The following ADGRV1 variants were observed in gnomAD, a reference collection of about 807,000 sequenced individuals.
ADGRV1 encodes the protein adhesion G protein-coupled receptor V1.
A neutral mutation model predicts 596.2 loss-of-function variants in ADGRV1; 359 were observed. That is an observed-to-expected ratio of 0.60 (90% CI 0.55 to 0.66). ADGRV1 has a LOEUF of 0.66. Ranked by LOEUF, ADGRV1 falls within the 30% of genes least tolerant of loss-of-function variation. The pLI is 0.00. For missense variants in ADGRV1, 7,274 were observed against 7,575.6 expected (o/e 0.96, Z 1.48); for synonymous variants, 2,681 against 2,679.2 (o/e 1.00, Z -0.02).
chr5:91,067,387 C>T (rs1476658422), intron 85 of ADGRV1, among the ~76,000 whole-genome samples: 7 of 152,106 alleles, frequency 4.6e-5, no homozygotes, highest in African/African-American at 9.7e-5. Flanking sequence ...AGGTGATCTG[C>T]CCACCTCAGC....
chr5:91,103,801 AAATAATAAAT>A (rs1442203438), intron 87 of ADGRV1, among the ~76,000 whole-genome samples: 2 of 152,164 alleles, frequency 1.3e-5, no homozygotes, highest in African/African-American at 4.8e-5. Flanking sequence ...AATGCTTATT[AAATAATAAAT>A]GAGTGTATGG....
chr5:90,613,646 C>T (rs1022260456), intron 1 of ADGRV1, among the ~76,000 whole-genome samples: 18 of 152,204 alleles, frequency 1.2e-4, no homozygotes, highest in African/African-American at 4.3e-4. Flanking sequence ...TATCCCTTTC[C>T]TGGACTCCAT....
intron 43 of ADGRV1, 85 bp from the exon 44 acceptor site, chr5:90,719,963 G>C: frequency 9.9e-7 from 1 of 1,009,360 alleles, no homozygotes; most frequent in East Asian, 2.4e-5. Flanking sequence ...CTATTTTGTT[G>C]TCAGAAATGT....
intron 50 of ADGRV1, among the ~76,000 whole-genome samples, chr5:90,731,993 C>T (rs1267731865): frequency 6.6e-6 from 1 of 151,890 alleles, no homozygotes; most frequent in African/African-American, 2.4e-5. Context: ...ATAGATTCTA[C>T]TTTATGTATT....
intron 59 of ADGRV1, among the ~76,000 whole-genome samples, chr5:90,765,019 AC>A (rs928161408): frequency 2.0e-4 from 31 of 152,034 alleles, no homozygotes; most frequent in African/African-American, 7.0e-4. Context: ...AAGCACTCCC[AC>A]CTACTTTCCA....
At chr5:90,715,928 T>C (rs912218275) in intron 42 of ADGRV1, among the ~76,000 whole-genome samples, 2 of 152,226 alleles carry the variant, frequency 1.3e-5, no homozygotes, top group African/African-American at 4.8e-5. Context: ...TTATTATTAA[T>C]ATAAGTGACA....
chr5:90,939,285 G>A (rs1005904790), intron 83 of ADGRV1, among the ~76,000 whole-genome samples: 2 of 152,206 alleles, frequency 1.3e-5, no homozygotes, highest in Non-Finnish European at 2.9e-5. Context: ...GTAGCTGTGT[G>A]AGAAATCACT....
At chr5:90,843,340 CA>C (rs1765594707) in intron 78 of ADGRV1, among the ~76,000 whole-genome samples, 1 of 152,016 alleles carries the variant, frequency 6.6e-6, no homozygotes, top group South Asian at 2.1e-4. Flanking sequence ...TGGAATAGAA[CA>C]AAAAGTTCAA....
At position 90,685,969 on chromosome 5, in the gene ADGRV1, A is replaced by C; in HGVS notation, c.6464A>C (p.Lys2155Thr). Residue 2155 changes from lysine to threonine, a missense_variant, in exon 29 of 90, where the codon AAA (lysine) becomes ACA (threonine). Transcript: ENST00000405460. ...TTTGCAGATGTCTCTGTGAAGTTTAAAGCTGTGCCAATAACTGCAATAGCT... is the reference window on the plus strand; with the variant it reads ...TTTGCAGATGTCTCTGTGAAGTTTACAGCTGTGCCAATAACTGCAATAGCT... ...GAFADVSVKF[K>T]AVPITAIAGE... is the part of the protein sequence containing the mutation. 1.9e-6 allele frequency: 3 copies of C among 1,592,068 alleles called. No individual in the cohort carries two copies. Among genetic ancestry groups the C allele is most frequent in the Non-Finnish European group, 2.6e-6 (3 of 1,166,764 alleles).
chr5:90,654,252 G>A, intron 20 of ADGRV1: 1 of 370,754 alleles, frequency 2.7e-6, no homozygotes, highest in South Asian at 2.7e-5. Context: ...AAAGAGGAAT[G>A]TTTGTCCTTC....
At chr5:91,002,571 T>G (rs1027527876) in intron 85 of ADGRV1, among the ~76,000 whole-genome samples, 1 of 152,174 alleles carries the variant, frequency 6.6e-6, no homozygotes, top group Non-Finnish European at 1.5e-5. Context: ...TGGATCCTAT[T>G]TAGACTTCCA....
At chr5:90,638,000 C>A in intron 11 of ADGRV1, 52 bp downstream of exon 11, 7 of 1,265,298 alleles carry the variant, frequency 5.5e-6, no homozygotes, top group South Asian at 2.9e-5. Flanking sequence ...GAGTTCTCTT[C>A]AATAACTTTG....
At chr5:90,628,462 T>C in intron 7 of ADGRV1, 100 bp from the exon 8 acceptor site, 1 of 955,562 alleles carries the variant, frequency 1.0e-6, no homozygotes, top group Non-Finnish European at 1.6e-6. Context: ...TAGATTCTGT[T>C]TTTATCAGTG....
chr5:90,779,400 C>T (rs1758606389), intron 64 of ADGRV1: 1 of 179,632 alleles, frequency 5.6e-6, no homozygotes, highest in Admixed American at 5.8e-5. Context: ...AAGACACAGC[C>T]TAACAGCTCT....
chr5:91,035,649 T>C (rs1784798000), intron 85 of ADGRV1, among the ~76,000 whole-genome samples: 1 of 151,554 alleles, frequency 6.6e-6, no homozygotes, highest in Non-Finnish European at 1.5e-5. Context: ...GTAGCTTGGA[T>C]ATGAATGATA....
chr5:90,891,262 G>C (rs562182196), intron 83 of ADGRV1, among the ~76,000 whole-genome samples: 1 of 149,926 alleles, frequency 6.7e-6, no homozygotes, highest in Admixed American at 6.7e-5. Context: ...CTCACTCTTT[G>C]TGTGTGTGTT....
At chr5:90,955,835 G>A (rs940380232) in intron 83 of ADGRV1, among the ~76,000 whole-genome samples, 2 of 152,248 alleles carry the variant, frequency 1.3e-5, no homozygotes, top group Non-Finnish European at 2.9e-5. Flanking sequence ...TTAAGGACAA[G>A]CAATCATATC....
At chr5:91,022,148 A>G (rs1481491696) in intron 85 of ADGRV1, among the ~76,000 whole-genome samples, 1 of 152,154 alleles carries the variant, frequency 6.6e-6, no homozygotes, top group African/African-American at 2.4e-5. Flanking sequence ...AAACAATTTC[A>G]TTTTGAACTA....
At chr5:90,688,288 A>G (rs1745967432) in intron 29 of ADGRV1, among the ~76,000 whole-genome samples, 1 of 152,234 alleles carries the variant, frequency 6.6e-6, no homozygotes, top group African/African-American at 2.4e-5. Context: ...AAAAACAGCA[A>G]TGGGGAAAGG....
Sources: allele counts gnomAD v4.1 joint callset (sites outside exome capture counted in the v4.1 genomes callset), GRCh38; gene constraint gnomAD v4.1.1; transcripts MANE v1.5; gene names NCBI Gene and HGNC (gene_info 2026-07-23, HGNC 2026-07-21).